The following RESF1 variants were observed in gnomAD, a reference collection of about 807,000 sequenced individuals.
The protein encoded by RESF1 is gonad expressed transcript.
Under a neutral mutation model 134.7 loss-of-function variants are expected in RESF1, and 65 were observed. That is an observed-to-expected ratio of 0.48 (90% CI 0.40 to 0.59). The LOEUF (loss-of-function observed/expected upper bound fraction) is 0.59. RESF1 is among the 20% of genes least tolerant of loss of function. The probability of loss-of-function intolerance (pLI) is 0.00; values close to 1 mark genes in which losing one functional copy is unlikely to be tolerated. For missense variants in RESF1, 2,274 were observed against 2,002.7 expected, an observed-to-expected ratio of 1.14 and a Z score of -2.59; for synonymous variants, 762 against 702.2, an observed-to-expected ratio of 1.09 and a Z score of -1.35.
intron 2 of RESF1, among the ~76,000 whole-genome samples, chr12:31,966,961 A>G (rs1354880313): frequency 6.6e-6 from 1 of 152,218 alleles, no homozygotes; most frequent in Admixed American, 6.5e-5. Context: ...GCTTAATCAC[A>G]GGCTGACCCA....
intron 5 of RESF1, among the ~76,000 whole-genome samples, chr12:31,991,205 A>C (rs576274115): frequency 8.0e-4 from 122 of 152,036 alleles, no homozygotes; most frequent in African/African-American, 2.8e-3. Context: ...CTCAAAAAAA[A>C]AAAAACCCAC....
chr12:31,982,818 A>G lies in RESF1; in HGVS notation c.1863A>G (p.Gln621=). 6.2e-7 allele frequency: 1 copy of G among 1,614,130 alleles called. No homozygotes were observed. The highest frequency in any genetic ancestry group is 2.2e-5 in the East Asian group (1 of 44,878). ...GTTGTGAAATGAATCCAAATACCCA[A>G]ATGACTGGTAACCAACTGAATTTGA... ...PDSCEMNPNT[Q]MTGNQLNLKN... is the part of the protein sequence containing the mutation. Residue 621 remains glutamine (Q), a synonymous_variant, in exon 4 of 6, where the codon CAA becomes CAG. Transcript: ENST00000312561.
chr12:31,974,306 G>T (rs536737082), intron 3 of RESF1, among the ~76,000 whole-genome samples: 1 of 152,128 alleles, frequency 6.6e-6, no homozygotes, highest in South Asian at 2.1e-4. Flanking sequence ...CAATCTACAA[G>T]AGTTTTAGGT....
chr12:31,990,003 G>C (rs1176954333), intron 5 of RESF1, among the ~76,000 whole-genome samples: 1 of 152,158 alleles, frequency 6.6e-6, no homozygotes, highest in African/African-American at 2.4e-5. Context: ...ATGCCTCTCG[G>C]GTTGGAAGGC....
Position 31,983,928 on chromosome 12 carries a change from TATTCTA to T in RESF1, c.2974_2979del (p.Ile992_Leu993del). On this transcript the variant is annotated inframe_deletion, in exon 4 of 6. Transcript: ENST00000312561. ...TTAACAATCTTGAAACAAACAGAGT[TATTCTA>T]GAGAAAAGTAGTTTGGAGCATGCCA... The T allele has an allele frequency of 6.2e-7, 1 of 1,613,806 alleles. No homozygotes were observed. Among genetic ancestry groups the T allele is most frequent in the East Asian group, 2.2e-5 (1 of 44,880 alleles).
chr12:31,965,015 T>A (rs1189439080), intron 2 of RESF1, among the ~76,000 whole-genome samples: 1 of 152,062 alleles, frequency 6.6e-6, no homozygotes, highest in Admixed American at 6.6e-5. Flanking sequence ...TTGCCCAGAA[T>A]GGAGTGCGGT....
At chr12:31,968,841 G>C (rs536477575) in intron 2 of RESF1, among the ~76,000 whole-genome samples, 1 of 152,272 alleles carries the variant, frequency 6.6e-6, no homozygotes, top group East Asian at 1.9e-4. Flanking sequence ...TGTGTCTTTT[G>C]GGTTGGCCTG....
rs1466862898 is a variant in RESF1, at chr12:31,974,136, A to G, written c.-79+3780A>G. Among the ~76,000 whole-genome samples, 3 of 151,722 alleles carry G rather than the reference A, an allele frequency of 2.0e-5. No homozygotes were observed. The East Asian group carries it at 5.8e-4, about 29-fold the overall frequency. ...GGAAGAGATGCATGGGGGAATGCAT[A>G]TGTGAGCGCTTCCATGCCCTCTCCA... On this transcript the variant is annotated intron_variant, in intron 3 of 5. Coordinates refer to ENST00000312561, the MANE Select transcript of RESF1 (RefSeq NM_018169.4).
chr12:31,972,504 G>A (rs1939532490), intron 3 of RESF1, among the ~76,000 whole-genome samples: 1 of 151,908 alleles, frequency 6.6e-6, no homozygotes, highest in Non-Finnish European at 1.5e-5. Context: ...TACTCAGGAG[G>A]CTGAGGCAGG....
intron 3 of RESF1, among the ~76,000 whole-genome samples, chr12:31,970,660 C>T (rs974818078): frequency 1.3e-5 from 2 of 152,190 alleles, no homozygotes; most frequent in African/African-American, 2.4e-5. Flanking sequence ...AAGAATCTTA[C>T]ACATTCCTCA....
chr12:31,987,319 A>G lies in RESF1; in HGVS notation c.5083A>G (p.Arg1695Gly), dbSNP rs1420170811. 6 of 1,585,358 alleles carry G rather than the reference A, an allele frequency of 3.8e-6. No homozygotes were observed. The Admixed American group carries it at 8.5e-5, about 23-fold the overall frequency. The change falls in exon 5 of 6, where the codon AGA becomes GGA. Residue 1695 changes from arginine (R) to glycine (G), a missense_variant. Arg to Gly is a moderately radical substitution (Grantham distance 125). Transcript: ENST00000312561. The stretch of plus-strand genomic sequence containing the variant: ...AAGGACACAGAAAGACAGCCAAGAG[A>G]GAGGTAAAGTCATCTTTTTAAATCT... ...KKRTQKDSQE[R>G]DNVNSRLSKR...
intron 5 of RESF1, among the ~76,000 whole-genome samples, chr12:31,990,728 T>C (rs1312522817): frequency 6.6e-6 from 1 of 152,168 alleles, no homozygotes; most frequent in Admixed American, 6.5e-5. Flanking sequence ...TGTGAGCCAC[T>C]GCGCCCGGCC....
intron 5 of RESF1, among the ~76,000 whole-genome samples, chr12:31,991,728 T>C (rs1401607280): frequency 3.3e-5 from 5 of 152,220 alleles, no homozygotes; most frequent in Admixed American, 1.3e-4. Flanking sequence ...TTTTTGTATT[T>C]TTAGTCAAAA....
rs1214955676 is a variant in RESF1 at position 31,983,424 on chromosome 12, A to G, written c.2469A>G (p.Ala823=). Residue 823 remains alanine (A), a synonymous_variant, in exon 4 of 6, where the codon GCA becomes GCG. Transcript: ENST00000312561. ...ALKVDVSGPV[A]STATSTKIFP... is the part of the protein sequence containing the mutation. ...AAGTTGATGTTAGTGGACCAGTAGC[A>G]AGTACAGCAACATCAACCAAGATTT... The G allele has an allele frequency of 1.2e-5, 19 of 1,614,094 alleles. No homozygotes were observed. Among genetic ancestry groups the G allele is most frequent in the Non-Finnish European group, 1.6e-5 (19 of 1,180,012 alleles).
rs554179475 is a variant in RESF1 at position 31,987,397 on chromosome 12, A to G, written c.5086+75A>G. The G allele has an allele frequency of 4.8e-5, 40 of 836,474 alleles. 1 individual carries two copies. Among genetic ancestry groups the G allele is most frequent in the Non-Finnish European group, 6.8e-5 (35 of 515,742 alleles). 51.8% of individuals were successfully genotyped at this position (836,474 alleles called of 1,614,324 possible). A position where few individuals can be genotyped will look rare whatever the true frequency, so the allele number is the denominator to read the frequency against. ...ATGGAAATTGGATTATGGTTATGAT[A>G]TGATTGTAAAGTATGATTTTATCCA... On this transcript the variant is annotated intron_variant, in intron 5 of 5. Coordinates refer to ENST00000312561, the MANE Select transcript of RESF1 (RefSeq NM_018169.4).
In RESF1 at chr12:31,983,935, G is replaced by C. The variant is rs747602734; in HGVS notation, c.2980G>C (p.Glu994Gln). The C allele has an allele frequency of 6.2e-7, 1 of 1,613,818 alleles. No homozygotes were observed. The highest frequency in any genetic ancestry group is 8.5e-7 in the Non-Finnish European group (1 of 1,179,954). Residue 994 changes from glutamate (E) to glutamine (Q), a missense_variant, in exon 4 of 6, where the codon GAG (glutamate) becomes CAG (glutamine). Glu to Gln is a conservative substitution (Grantham distance 29). Transcript: ENST00000312561. ...TCTTGAAACAAACAGAGTTATTCTA[G>C]AGAAAAGTAGTTTGGAGCATGCCAC... ...NNLETNRVIL[E>Q]KSSLEHATEK...
rs375068674 is a variant in RESF1 at position 31,983,666 on chromosome 12, C to T, written c.2711C>T (p.Ser904Phe). ...NICSLVEGDT[S>F]YNSQIAKIFS... ...TGTTCTCTGGTTGAAGGTGATACCT[C>T]TTACAATTCCCAAATAGCAAAGATA... Residue 904 changes from serine to phenylalanine, a missense_variant, in exon 4 of 6, where the codon TCT becomes TTT. Physicochemically the swap from Ser to Phe is radical, Grantham distance 155. Transcript: ENST00000312561. The T allele has an allele frequency of 3.1e-6, 5 of 1,613,884 alleles. No individual in the cohort carries two copies. In the African/African-American group the frequency reaches 6.7e-5, roughly 22 times the overall value.
intron 2 of RESF1, among the ~76,000 whole-genome samples, chr12:31,964,522 C>A (rs985998356): frequency 6.6e-6 from 1 of 152,082 alleles, no homozygotes; most frequent in Non-Finnish European, 1.5e-5. Flanking sequence ...TTTCTTTATG[C>A]GGTTTACCGT....
intron 3 of RESF1, among the ~76,000 whole-genome samples, chr12:31,971,305 G>T (rs1266765781): frequency 2.0e-5 from 3 of 152,126 alleles, no homozygotes; most frequent in Non-Finnish European, 4.4e-5. Flanking sequence ...ACTATACCTG[G>T]CTAATTTTTT....
Sources: gnomAD v4.1 joint callset for allele counts (sites outside exome capture counted in the v4.1 genomes callset) on GRCh38, gnomAD v4.1.1 for gene constraint, MANE v1.5 for transcripts, NCBI Gene and HGNC (gene_info 2026-07-23, HGNC 2026-07-21) for gene names.